Variants in DENND5B observed in about 807,000 individuals in gnomAD.
DENND5B encodes DENN domain-containing protein 5B.
DENND5B carries 34 observed loss-of-function variants against 140.6 expected under a neutral mutation model. The ratio of observed to expected loss-of-function variants is 0.24; its 90% CI spans 0.18 to 0.32. DENND5B has a LOEUF of 0.32. DENND5B is among the 10% of genes least tolerant of loss of function. The pLI, the probability that DENND5B is intolerant of heterozygous loss-of-function variation, is 1.00. For missense variants in DENND5B, 1,142 were observed against 1,560.2 expected (o/e 0.73, Z 4.52); for synonymous variants, 551 against 562.1 (o/e 0.98, Z 0.28).
At chr12:31,446,772 A>C (rs955443692) in intron 6 of DENND5B, among the ~76,000 whole-genome samples, 3 of 151,718 alleles carry the variant, frequency 2.0e-5, no homozygotes, top group Non-Finnish European at 4.4e-5. Context: ...GTGGGCGCCT[A>C]TAGTCCCAGC....
At chr12:31,576,769 TG>T (rs1204860035) in intron 1 of DENND5B, among the ~76,000 whole-genome samples, 8 of 152,022 alleles carry the variant, frequency 5.3e-5, no homozygotes, top group Admixed American at 1.3e-4. Context: ...CGCACAGCCG[TG>T]GTCTCAGCTT....
At position 31,517,362 on chromosome 12, in the gene DENND5B, T is replaced by C. The variant is rs150572444; in HGVS notation, c.128-21443A>G. Reference sequence around the variant, plus strand: ...GCGCTTAAAGCGGACTATGAGTAGTTAGCACCCTGTATCACACCCAGCTCT... The same window carrying C: ...GCGCTTAAAGCGGACTATGAGTAGTCAGCACCCTGTATCACACCCAGCTCT... On this transcript the variant is annotated intron_variant, in intron 1 of 20. Transcript: ENST00000389082. Among the ~76,000 whole-genome samples the C allele has an allele frequency of 3.9e-4, 59 of 152,354 alleles. No individual in the cohort carries two copies. In the East Asian group the frequency reaches 0.01, roughly 26 times the overall value.
At chr12:31,488,593 T>G (rs1946402495) in intron 2 of DENND5B, among the ~76,000 whole-genome samples, 1 of 152,210 alleles carries the variant, frequency 6.6e-6, no homozygotes, top group South Asian at 2.1e-4. Flanking sequence ...AAGAACTATA[T>G]ATCTAATCGG....
intron 12 of DENND5B, among the ~76,000 whole-genome samples, chr12:31,415,113 G>A (rs7968291): frequency 0.57 from 86,641 of 151,684 alleles, 25,207 homozygotes; most frequent in East Asian, 0.82. Flanking sequence ...AGACCCTGTC[G>A]CAAAAGTAAA....
chr12:31,549,982 T>C (rs527536037), intron 1 of DENND5B, among the ~76,000 whole-genome samples: 14 of 152,206 alleles, frequency 9.2e-5, no homozygotes, highest in African/African-American at 2.6e-4. Flanking sequence ...TACCCAGTAA[T>C]GGGATTGTTG....
Position 31,543,418 on chromosome 12 carries a change from A to G in DENND5B, c.127+47288T>C, listed in dbSNP as rs141076121. Among the ~76,000 whole-genome samples the G allele has an allele frequency of 4.1e-3, 632 of 152,342 alleles. 5 individuals are homozygous for G. Among genetic ancestry groups the G allele is most frequent in the African/African-American group, 0.014 (576 of 41,584 alleles). ...AAGTAATTTATGCTCCTTGCTTGTC[A>G]GCATAGATACCTTTTCAAAGTTTTT... is the stretch of plus-strand genomic sequence containing the variant. On this transcript the variant is annotated intron_variant, in intron 1 of 20. Transcript: ENST00000389082.
intron 1 of DENND5B, among the ~76,000 whole-genome samples, chr12:31,554,351 G>T (rs1209941725): frequency 6.6e-6 from 1 of 152,130 alleles, no homozygotes; most frequent in East Asian, 1.9e-4. Flanking sequence ...ATGATATTCT[G>T]GGTTGAAAAT....
intron 2 of DENND5B, among the ~76,000 whole-genome samples, chr12:31,480,461 G>A (rs1946023333): frequency 6.6e-6 from 1 of 152,008 alleles, no homozygotes; most frequent in East Asian, 1.9e-4. Context: ...TATATACAAG[G>A]GAAAAACTTT....
At chr12:31,553,998 G>A (rs1247467607) in intron 1 of DENND5B, among the ~76,000 whole-genome samples, 1 of 152,212 alleles carries the variant, frequency 6.6e-6, no homozygotes, top group African/African-American at 2.4e-5. Context: ...GCACACTGAT[G>A]GGTCTTGACT....
intron 1 of DENND5B, among the ~76,000 whole-genome samples, chr12:31,542,781 C>T (rs1010136558): frequency 2.0e-5 from 3 of 152,020 alleles, no homozygotes; most frequent in East Asian, 1.9e-4. Context: ...CATAGCAAAA[C>T]CCCATCTCTA....
chr12:31,571,617 A>ATTTTTTTTTTT, intron 1 of DENND5B, among the ~76,000 whole-genome samples: 1 of 148,218 alleles, frequency 6.7e-6, no homozygotes, highest in Non-Finnish European at 1.5e-5. Flanking sequence ...AAAAGCCACA[A>ATTTTTTTTTTT]TTTTTTTTTT....
chr12:31,515,509 A>G (rs1565655362), intron 1 of DENND5B, among the ~76,000 whole-genome samples: 1 of 152,198 alleles, frequency 6.6e-6, no homozygotes, highest in Non-Finnish European at 1.5e-5. Flanking sequence ...TTGCAGATAT[A>G]CTTACATGGT....
intron 1 of DENND5B, among the ~76,000 whole-genome samples, chr12:31,518,866 T>C (rs1033883392): frequency 6.6e-6 from 1 of 152,194 alleles, no homozygotes; most frequent in Non-Finnish European, 1.5e-5. Flanking sequence ...CAAACCAATT[T>C]TGTTCATTCT....
At position 31,463,744 on chromosome 12, in the gene DENND5B, C is replaced by G. The variant is rs557965480; in HGVS notation, c.905-3363G>C. Among the ~76,000 whole-genome samples, 12 of 152,308 alleles carry G rather than the reference C, an allele frequency of 7.9e-5. No individual in the cohort carries two copies. The South Asian group carries it at 2.5e-3, about 32-fold the overall frequency. On this transcript the variant is annotated intron_variant, in intron 3 of 20. Coordinates refer to ENST00000389082, the MANE Select transcript of DENND5B (RefSeq NM_144973.4). ...TGGCTCAATCTTGGATCACTGCAACCTCCACTTCCTGGGTTCAAGCGATTC... is the reference window on the plus strand; with the variant it reads ...TGGCTCAATCTTGGATCACTGCAACGTCCACTTCCTGGGTTCAAGCGATTC...
At chr12:31,497,839 AGGGGGCAGGGGGGGCAAGGGGAG>A (rs1255404261) in intron 1 of DENND5B, among the ~76,000 whole-genome samples, 6 of 8,318 alleles carry the variant, frequency 7.2e-4, no homozygotes, top group Non-Finnish European at 9.9e-4. Context: ...GGGCAAGGGG[AGGGGGCAGGGGGGGCAAGGGGAG>A]GGGGAGGGGC....
intron 14 of DENND5B, among the ~76,000 whole-genome samples, chr12:31,407,360 C>A (rs1255845571): frequency 6.6e-6 from 1 of 152,102 alleles, no homozygotes; most frequent in Non-Finnish European, 1.5e-5. Context: ...CTAACCCCTG[C>A]CCTTGTGATC....
chr12:31,529,475 C>A (rs1477433503), intron 1 of DENND5B, among the ~76,000 whole-genome samples: 1 of 152,068 alleles, frequency 6.6e-6, no homozygotes, highest in Non-Finnish European at 1.5e-5. Flanking sequence ...AACCAATATT[C>A]CACTTAAACA....
At chr12:31,418,173 A>G (rs1458144995) in intron 11 of DENND5B, among the ~76,000 whole-genome samples, 3 of 152,190 alleles carry the variant, frequency 2.0e-5, no homozygotes. Flanking sequence ...ATGGGGCACT[A>G]GACCCATTCA....
At chr12:31,472,196 A>C (rs1475130592) in intron 3 of DENND5B, among the ~76,000 whole-genome samples, 1 of 152,176 alleles carries the variant, frequency 6.6e-6, no homozygotes, top group Non-Finnish European at 1.5e-5. Flanking sequence ...GCTAATAAAA[A>C]CATTAATAAT....
Sources: gnomAD v4.1 joint callset for allele counts (sites outside exome capture counted in the v4.1 genomes callset) on GRCh38, gnomAD v4.1.1 for gene constraint, MANE v1.5 for transcripts, NCBI Gene and HGNC (gene_info 2026-07-23, HGNC 2026-07-21) for gene names.